The following MIB1 variants were observed in gnomAD, a reference collection of about 807,000 sequenced individuals.
The protein encoded by MIB1 is E3 ubiquitin-protein ligase MIB1.
In MIB1, 278 loss-of-function variants were observed where a neutral mutation model predicts 124.5. The ratio of observed to expected loss-of-function variants is 2.23; its 90% CI spans 2.02 to 2.47. The LOEUF is 2.47. MIB1 is among the 30% of genes most tolerant of loss of function. MIB1 has a pLI of 0.00. For synonymous variants in MIB1, 446 were observed against 429.4 expected (o/e 1.04, Z -0.48); for missense variants, 957 against 1,254.4 (o/e 0.76, Z 3.58).
chr18:21,720,774 C>A (rs1030808024), intron 1 of MIB1, among the ~76,000 whole-genome samples: 3 of 152,014 alleles, frequency 2.0e-5, no homozygotes, highest in African/African-American at 7.3e-5. Context: ...CAGAGGGGGA[C>A]CCCGTCTCTA....
At chr18:21,775,097 C>A (rs2041268211) in intron 4 of MIB1, among the ~76,000 whole-genome samples, 1 of 152,058 alleles carries the variant, frequency 6.6e-6, no homozygotes, top group Non-Finnish European at 1.5e-5. Flanking sequence ...AGGCGCCCAC[C>A]ACCACGCCCG....
rs755675508 is a variant in MIB1 at position 21,741,535 on chromosome 18, AGCGGCGGCGGCGGCGGCG to A, written c.-46_-29del. ...ACTCCCTCACGGGCCCCCCGGCGGC[AGCGGCGGCGGCGGCGGCG>A]GCAGCGGCGGAGCCCACCGCCCGGG... On this transcript the variant is annotated 5_prime_UTR_variant, in exon 1 of 21. Transcript: ENST00000261537. The surrounding 1 kb of genome is among the most constrained non-coding windows in gnomAD (Gnocchi z 5.4). The A allele has an allele frequency of 8.3e-7, 1 of 1,211,700 alleles. No individual in the cohort carries two copies. Among genetic ancestry groups the A allele is most frequent in the Non-Finnish European group, 1.0e-6 (1 of 961,664 alleles). 75.1% of individuals were successfully genotyped at this position (1,211,700 alleles called of 1,614,324 possible).
intron 18 of MIB1, 83 bp downstream of exon 18, chr18:21,853,301 C>A (rs563956950): frequency 1.9e-6 from 2 of 1,077,938 alleles, no homozygotes; most frequent in Admixed American, 4.0e-5. Context: ...GGTTTTTTTG[C>A]TTTTGATTTT....
At chr18:21,753,298 C>A (rs1568187123) in intron 1 of MIB1, among the ~76,000 whole-genome samples, 2 of 151,984 alleles carry the variant, frequency 1.3e-5, no homozygotes, top group Non-Finnish European at 2.9e-5. Flanking sequence ...AAGCGATTCT[C>A]CTGCCGCAGC....
rs1328464062 is a variant in MIB1, at chr18:21,867,392, A to G, written c.*2726A>G. 1.3e-5 allele frequency: 2 copies of G among 152,706 alleles called. No individual in the cohort carries two copies. The highest frequency in any genetic ancestry group is 1.3e-4 in the Admixed American group (2 of 15,280). 9.5% of individuals were successfully genotyped at this position (152,706 alleles called of 1,614,324 possible). Reference sequence around the variant, plus strand: ...TTGTTAGCGTTGTTACTCAAAACATACACATACAACATACCAGATGGTGCT... The same window carrying G: ...TTGTTAGCGTTGTTACTCAAAACATGCACATACAACATACCAGATGGTGCT... On this transcript the variant is annotated 3_prime_UTR_variant, in exon 21 of 21. Coordinates refer to ENST00000261537, the MANE Select transcript of MIB1 (RefSeq NM_020774.4).
At chr18:21,707,588 A>T (rs552185081) in intron 1 of MIB1, among the ~76,000 whole-genome samples, 1 of 152,240 alleles carries the variant, frequency 6.6e-6, no homozygotes, top group Non-Finnish European at 1.5e-5. Flanking sequence ...AGCCAGGGAG[A>T]CCACGAACCC....
At chr18:21,709,125 G>A (rs912349509) in intron 1 of MIB1, among the ~76,000 whole-genome samples, 12 of 152,066 alleles carry the variant, frequency 7.9e-5, no homozygotes, top group African/African-American at 2.9e-4. Context: ...GACAATCCTG[G>A]CTAACACGGT....
chr18:21,775,893 A>G (rs1486674106), intron 4 of MIB1, among the ~76,000 whole-genome samples: 2 of 152,180 alleles, frequency 1.3e-5, no homozygotes, highest in African/African-American at 4.8e-5. Context: ...ATCCTTGTGT[A>G]TATGCCTTTG....
chr18:21,852,004 A>G (rs1292624606), intron 17 of MIB1, among the ~76,000 whole-genome samples: 4 of 152,244 alleles, frequency 2.6e-5, no homozygotes, highest in Admixed American at 2.6e-4. Context: ...TGTTATATAG[A>G]AAGGAGAAGA....
chr18:21,760,621 A>G (rs948027319), intron 1 of MIB1, among the ~76,000 whole-genome samples: 8 of 152,172 alleles, frequency 5.3e-5, no homozygotes, highest in Admixed American at 3.3e-4. Context: ...ACCAGTTGTC[A>G]TGTGTGTTTA....
intron 10 of MIB1, among the ~76,000 whole-genome samples, chr18:21,811,935 T>G (rs1007428305): frequency 6.6e-6 from 1 of 152,144 alleles, no homozygotes; most frequent in African/African-American, 2.4e-5. Context: ...TATTTAAGGA[T>G]TATATTCAAC....
intron 5 of MIB1, among the ~76,000 whole-genome samples, chr18:21,778,923 C>T (rs1448210460): frequency 6.6e-6 from 1 of 151,964 alleles, no homozygotes; most frequent in African/African-American, 2.4e-5. Flanking sequence ...AATCAACATG[C>T]ATATTTTGGA....
In MIB1 at chr18:21,838,403, G is replaced by A. The variant is rs1486884841; in HGVS notation, c.1868G>A (p.Trp623Ter). Reference sequence around the variant, plus strand: ...TTACTATCTAAATTACCAAGACCATGGATTGTGGATGAGAAGAAAGATGAT... The same window carrying A: ...TTACTATCTAAATTACCAAGACCATAGATTGTGGATGAGAAGAAAGATGAT... ...RVLLSKLPRP[W>*]IVDEKKDDGY... Residue 623 changes from tryptophan to a stop codon, truncating the protein, a stop_gained, in exon 13 of 21, where the codon TGG (tryptophan) becomes TAG (stop). Coordinates refer to ENST00000261537, the MANE Select transcript of MIB1 (RefSeq NM_020774.4). LOFTEE classifies it high-confidence loss of function. The A allele has an allele frequency of 5.0e-6, 8 of 1,607,732 alleles. No homozygotes were observed. Among genetic ancestry groups the A allele is most frequent in the Admixed American group, 1.7e-5 (1 of 59,590 alleles).
chr18:21,785,807 A>G (rs889183390), intron 6 of MIB1, among the ~76,000 whole-genome samples: 1 of 152,098 alleles, frequency 6.6e-6, no homozygotes, highest in Non-Finnish European at 1.5e-5. Context: ...ATGGTGATGA[A>G]TTTCCTCAGC....
intron 1 of MIB1, among the ~76,000 whole-genome samples, chr18:21,742,719 TTATC>T (rs1471404930): frequency 3.3e-4 from 50 of 152,356 alleles, no homozygotes; most frequent in African/African-American, 1.2e-3. Flanking sequence ...TCCTTGATAT[TTATC>T]CTTGATTCTG....
intron 1 of MIB1, among the ~76,000 whole-genome samples, chr18:21,759,236 T>C (rs1021419666): frequency 6.6e-6 from 1 of 150,978 alleles, no homozygotes; most frequent in Admixed American, 6.6e-5. Flanking sequence ...TGTGTATATA[T>C]ATATATGTAT....
intron 10 of MIB1, among the ~76,000 whole-genome samples, chr18:21,805,221 C>T (rs1002059764): frequency 2.6e-5 from 4 of 151,974 alleles, no homozygotes; most frequent in Non-Finnish European, 2.9e-5. Flanking sequence ...CCATGTTGGC[C>T]GGGGTGGTCT....
At chr18:21,718,233 CAG>C (rs1217088286) in intron 1 of MIB1, among the ~76,000 whole-genome samples, 3 of 151,782 alleles carry the variant, frequency 2.0e-5, no homozygotes, top group East Asian at 3.9e-4. Context: ...TTTAGGGACT[CAG>C]GGGGAAAGGG....
At position 21,823,231 on chromosome 18, in the gene MIB1, C is replaced by CA. The variant is rs11315288; in HGVS notation, c.1829+3602dup. 2.9e-3 allele frequency among the ~76,000 whole-genome samples: 371 copies of CA among 129,912 alleles called. 1 individual carries two copies. Among genetic ancestry groups the CA allele is most frequent in the Middle Eastern group, 4.0e-3 (1 of 248 alleles). The allele number at this position is 129,912 out of a possible 152,430, so 85.2% of individuals were successfully genotyped here. A position where few individuals can be genotyped will look rare whatever the true frequency, so the allele number is the denominator to read the frequency against. On this transcript the variant is annotated intron_variant, in intron 12 of 20. Coordinates refer to ENST00000261537, the MANE Select transcript of MIB1 (RefSeq NM_020774.4). Reference sequence around the variant, plus strand: ...TCTGGGTTACAGATCAAGACTGTATCAAAAAAAAAAAAAAAAAGAATCAGC... The same window carrying CA: ...TCTGGGTTACAGATCAAGACTGTATCAAAAAAAAAAAAAAAAAAGAATCAGC...
Sources: gnomAD v4.1 joint callset for allele counts (sites outside exome capture counted in the v4.1 genomes callset) on GRCh38, gnomAD v4.1.1 for gene constraint, Gnocchi (gnomAD v3.1) non-coding constraint, MANE v1.5 for transcripts, NCBI Gene and HGNC (gene_info 2026-07-23, HGNC 2026-07-21) for gene names.